ALK: variants seen among roughly 807,000 people sequenced by gnomAD.
ALK encodes ALK tyrosine kinase receptor.
Under a neutral mutation model 163.1 loss-of-function variants are expected in ALK, and 74 were observed. That is an observed-to-expected ratio of 0.45 (90% CI 0.38 to 0.55). ALK has a LOEUF of 0.55. Ranked by LOEUF, ALK falls within the 20% of genes least tolerant of loss-of-function variation. ALK has a pLI of 0.00. For synonymous variants in ALK, 960 were observed against 843.2 expected (o/e 1.14, Z -2.40); for missense variants, 2,063 against 2,105.3 (o/e 0.98, Z 0.39).
At chr2:29,493,003 G>T (rs1671939268) in intron 4 of ALK, among the ~76,000 whole-genome samples, 1 of 152,164 alleles carries the variant, frequency 6.6e-6, no homozygotes, top group African/African-American at 2.4e-5. Context: ...TTGGCACTTG[G>T]CAGGTCAAGG....
At chr2:29,696,107 C>T (rs972807292) in intron 2 of ALK, among the ~76,000 whole-genome samples, 3 of 152,194 alleles carry the variant, frequency 2.0e-5, no homozygotes, top group Non-Finnish European at 4.4e-5. Context: ...AGGCACTGTT[C>T]ACGATAGCAA....
chr2:29,354,481 C>T (rs903538135), intron 5 of ALK, among the ~76,000 whole-genome samples: 1 of 152,098 alleles, frequency 6.6e-6, no homozygotes, highest in Non-Finnish European at 1.5e-5. Flanking sequence ...CCCTTCTGGG[C>T]CATGCTCATC....
At chr2:29,446,813 T>G (rs971725566) in intron 4 of ALK, among the ~76,000 whole-genome samples, 2 of 152,250 alleles carry the variant, frequency 1.3e-5, no homozygotes, top group Non-Finnish European at 2.9e-5. Flanking sequence ...TGTCTGTATC[T>G]TCACAAGAAT....
At chr2:29,865,619 A>G (rs1240654411) in intron 1 of ALK, among the ~76,000 whole-genome samples, 1 of 152,218 alleles carries the variant, frequency 6.6e-6, no homozygotes, top group African/African-American at 2.4e-5. Flanking sequence ...ATCTTTGCTC[A>G]GAAATCCATT....
chr2:29,536,047 T>C (rs1301817773), intron 3 of ALK, among the ~76,000 whole-genome samples: 3 of 152,218 alleles, frequency 2.0e-5, no homozygotes, highest in Admixed American at 6.5e-5. Flanking sequence ...GTTTCTTAGA[T>C]GCTTCTGCTA....
rs1026426648 is a variant in ALK at position 29,494,751 on chromosome 2, A to G, written c.1154+37164T>C. 4.0e-5 allele frequency among the ~76,000 whole-genome samples: 6 copies of G among 151,856 alleles called. No homozygotes were observed. The South Asian group carries it at 8.3e-4, about 21-fold the overall frequency. ...ACAATAGGACCCTTTGGATGCCTTGATGGGTTTTGCCTCAAGGTTGGAGTC... is the reference window on the plus strand; with the variant it reads ...ACAATAGGACCCTTTGGATGCCTTGGTGGGTTTTGCCTCAAGGTTGGAGTC... On this transcript the variant is annotated intron_variant, in intron 4 of 28. Coordinates refer to ENST00000389048, the MANE Select transcript of ALK (RefSeq NM_004304.5).
At chr2:29,356,398 T>A (rs544199849) in intron 5 of ALK, among the ~76,000 whole-genome samples, 66 of 152,212 alleles carry the variant, frequency 4.3e-4, no homozygotes, top group Admixed American at 1.3e-3. Context: ...ATTCAGGCAG[T>A]CTGACTCTTA....
intron 1 of ALK, among the ~76,000 whole-genome samples, chr2:29,821,188 G>A (rs75443952): frequency 0.032 from 4,873 of 152,222 alleles, 260 homozygotes; most frequent in African/African-American, 0.11. Flanking sequence ...AGGAAGAAGA[G>A]GAAGGTTGTG....
At chr2:29,235,033 T>A (rs1190817354) in intron 13 of ALK, among the ~76,000 whole-genome samples, 1 of 152,228 alleles carries the variant, frequency 6.6e-6, no homozygotes, top group East Asian at 1.9e-4. Flanking sequence ...CTAATTTAGA[T>A]TCACTTCTGG....
chr2:29,481,347 T>C (rs561095899), intron 4 of ALK, among the ~76,000 whole-genome samples: 4 of 152,240 alleles, frequency 2.6e-5, no homozygotes, highest in Admixed American at 6.5e-5. Context: ...AGATTTAAAA[T>C]AGAAGAGCAA....
rs2148166233 is a variant in ALK, at chr2:29,220,700, A to C, written c.3645+6T>G. 6.2e-7 allele frequency: 1 copy of C among 1,609,470 alleles called. No individual in the cohort carries two copies. The highest frequency in any genetic ancestry group is 8.5e-7 in the Non-Finnish European group (1 of 1,178,778). On this transcript the variant is annotated splice_donor_region_variant and intron_variant, in intron 23 of 28. Transcript: ENST00000389048. ...ACAACTGCAGCAAAGACTGGTTCTC[A>C]CTCACCGGGCGAGGGCGGGTCTCTC...
At chr2:29,582,545 G>T (rs376075623) in intron 3 of ALK, among the ~76,000 whole-genome samples, 1 of 152,114 alleles carries the variant, frequency 6.6e-6, no homozygotes, top group East Asian at 1.9e-4. Flanking sequence ...AGGCTTCTGC[G>T]GGGCATTTGC....
intron 1 of ALK, among the ~76,000 whole-genome samples, chr2:29,780,289 G>C (rs1215697106): frequency 6.6e-6 from 1 of 152,116 alleles, no homozygotes; most frequent in African/African-American, 2.4e-5. Flanking sequence ...GGGACAGAAT[G>C]CTCACTTTCC....
At chr2:29,627,295 C>A (rs890946592) in intron 3 of ALK, among the ~76,000 whole-genome samples, 4 of 152,196 alleles carry the variant, frequency 2.6e-5, no homozygotes, top group African/African-American at 9.7e-5. Flanking sequence ...CCAGAGAGGA[C>A]AACACAATCA....
At chr2:29,293,160 A>C (rs550837760) in intron 9 of ALK, among the ~76,000 whole-genome samples, 2 of 152,360 alleles carry the variant, frequency 1.3e-5, no homozygotes, top group Admixed American at 6.5e-5. Flanking sequence ...TATACAGAAC[A>C]CTTTGCAGTA....
chr2:29,211,722 T>C (rs1469133594), intron 24 of ALK, among the ~76,000 whole-genome samples: 1 of 152,162 alleles, frequency 6.6e-6, no homozygotes, highest in Non-Finnish European at 1.5e-5. Context: ...CTTAGCTAGT[T>C]AGAACATGTA....
intron 4 of ALK, among the ~76,000 whole-genome samples, chr2:29,525,791 CAAAAAAAAAA>C (rs61519081): frequency 1.4e-5 from 1 of 69,180 alleles, no homozygotes; most frequent in Non-Finnish European, 2.8e-5. Context: ...GACTCCATCT[CAAAAAAAAAA>C]AAAAAAAAAA....
chr2:29,355,396 G>T (rs1668223726), intron 5 of ALK, among the ~76,000 whole-genome samples: 1 of 152,088 alleles, frequency 6.6e-6, no homozygotes, highest in African/African-American at 2.4e-5. Context: ...CTTTCTACGA[G>T]GGTAATTCCT....
At chr2:29,209,298 T>G (rs1416547905) in intron 25 of ALK, among the ~76,000 whole-genome samples, 1 of 152,040 alleles carries the variant, frequency 6.6e-6, no homozygotes, top group Non-Finnish European at 1.5e-5. Flanking sequence ...CCCAGCACTT[T>G]GGGAAGCTGA....
Sources: allele counts gnomAD v4.1 joint callset (sites outside exome capture counted in the v4.1 genomes callset), GRCh38; gene constraint gnomAD v4.1.1; transcripts MANE v1.5; gene names NCBI Gene and HGNC (gene_info 2026-07-23, HGNC 2026-07-21).